Variants in ZBTB8A observed in about 807,000 individuals in gnomAD.
ZBTB8A encodes zinc finger and BTB domain-containing protein 8A.
A neutral mutation model predicts 37.8 loss-of-function variants in ZBTB8A; 19 were observed. The observed-to-expected ratio is 0.50, with a 90% CI of 0.35 to 0.74. The LOEUF (loss-of-function observed/expected upper bound fraction) is 0.74. Ranked by LOEUF, ZBTB8A falls within the 30% of genes least tolerant of loss-of-function variation. ZBTB8A has a pLI of 0.01. For synonymous variants in ZBTB8A, 181 were observed against 185.2 expected, an observed-to-expected ratio of 0.98 and a Z score of 0.19; for missense variants, 394 against 537.8, an observed-to-expected ratio of 0.73 and a Z score of 2.65.
At chr1:32,559,035 G>A (rs1407497113) in intron 2 of ZBTB8A, among the ~76,000 whole-genome samples, 1 of 152,128 alleles carries the variant, frequency 6.6e-6, no homozygotes, top group African/African-American at 2.4e-5. Flanking sequence ...CACTTTGATG[G>A]CATAGCCCAT....
At chr1:32,550,849 T>C (rs983666709) in intron 1 of ZBTB8A, among the ~76,000 whole-genome samples, 8 of 143,482 alleles carry the variant, frequency 5.6e-5, no homozygotes, top group African/African-American at 2.1e-4. Context: ...CCCAGCTACT[T>C]GGGAGGCTGA....
intron 2 of ZBTB8A, among the ~76,000 whole-genome samples, chr1:32,589,965 T>TTC (rs1441389125): frequency 2.6e-5 from 4 of 152,132 alleles, no homozygotes; most frequent in African/African-American, 9.7e-5. Context: ...CATAGTTTAT[T>TTC]TCTGCCTGGC....
At chr1:32,599,479 G>A (rs929014974) in intron 4 of ZBTB8A, among the ~76,000 whole-genome samples, 2 of 152,084 alleles carry the variant, frequency 1.3e-5, no homozygotes, top group Non-Finnish European at 2.9e-5. Context: ...AGCACTTTGG[G>A]CGGCCGAGGC....
At chr1:32,580,640 T>C (rs535699927) in intron 2 of ZBTB8A, among the ~76,000 whole-genome samples, 15 of 152,020 alleles carry the variant, frequency 9.9e-5, no homozygotes, top group Non-Finnish European at 1.5e-4. Flanking sequence ...CAAATTGATA[T>C]AGTGTTTTCG....
At chr1:32,599,931 C>T (rs960438206) in intron 4 of ZBTB8A, among the ~76,000 whole-genome samples, 156 bp from the exon 5 acceptor site, 1 of 152,136 alleles carries the variant, frequency 6.6e-6, no homozygotes, top group Non-Finnish European at 1.5e-5. Context: ...GACATCAATT[C>T]ACCACTAAAA....
In ZBTB8A at chr1:32,587,068, G is replaced by A. The variant is rs540082438; in HGVS notation, c.-1-5863G>A. Among the ~76,000 whole-genome samples the A allele has an allele frequency of 2.6e-5, 4 of 152,086 alleles. 1 individual carries two copies. Among genetic ancestry groups the A allele is most frequent in the African/African-American group, 7.2e-5 (3 of 41,478 alleles). On this transcript the variant is annotated intron_variant, in intron 2 of 4. Coordinates refer to ENST00000373510, the MANE Select transcript of ZBTB8A (RefSeq NM_001040441.3). ...CAGCCTGGCCAACATGGCAAAATCC[G>A]TCTCTACTAAAAATACAAAAATTAG...
At chr1:32,579,988 G>C (rs1042749224) in intron 2 of ZBTB8A, among the ~76,000 whole-genome samples, 65 of 152,078 alleles carry the variant, frequency 4.3e-4, no homozygotes, top group African/African-American at 1.4e-3. Context: ...CTAATTCATT[G>C]GCTAGTACTT....
At chr1:32,556,987 A>T (rs1644208116) in intron 2 of ZBTB8A, among the ~76,000 whole-genome samples, 1 of 152,070 alleles carries the variant, frequency 6.6e-6, no homozygotes, top group Admixed American at 6.6e-5. Context: ...TTTTTGAATC[A>T]TACGCATTCA....
chr1:32,557,705 C>T (rs1644213510), intron 2 of ZBTB8A, among the ~76,000 whole-genome samples: 1 of 152,108 alleles, frequency 6.6e-6, no homozygotes, highest in Admixed American at 6.6e-5. Flanking sequence ...GCTCAAACAT[C>T]TACCTGCTTC....
chr1:32,551,080 G>A (rs72652160), intron 1 of ZBTB8A, among the ~76,000 whole-genome samples: 17,276 of 152,084 alleles, frequency 0.11, 1,081 homozygotes, highest in African/African-American at 0.18. Context: ...GCCATTCTCT[G>A]AATGCCCTTC....
intron 4 of ZBTB8A, among the ~76,000 whole-genome samples, chr1:32,598,085 A>C (rs1644546737): frequency 6.6e-6 from 1 of 151,912 alleles, no homozygotes; most frequent in African/African-American, 2.4e-5. Context: ...CTCAGGAGAA[A>C]TCAGAATTCA....
At chr1:32,541,021 A>C (rs993134696) in intron 1 of ZBTB8A, among the ~76,000 whole-genome samples, 11 of 152,260 alleles carry the variant, frequency 7.2e-5, no homozygotes, top group Admixed American at 6.5e-4. Context: ...GGGGCCATCA[A>C]AAACTTTGTA....
intron 2 of ZBTB8A, among the ~76,000 whole-genome samples, chr1:32,584,062 A>T (rs962187182): frequency 6.6e-6 from 1 of 152,064 alleles, no homozygotes. Context: ...CTGACCAAGG[A>T]GGAGAGAATA....
intron 2 of ZBTB8A, among the ~76,000 whole-genome samples, chr1:32,580,492 A>G (rs1644395198): frequency 6.6e-6 from 1 of 151,980 alleles, no homozygotes; most frequent in Non-Finnish European, 1.5e-5. Context: ...CAGAGGTTGC[A>G]GTGAACCAAG....
chr1:32,553,354 C>A (rs1644172698), intron 1 of ZBTB8A, 105 bp from the exon 2 acceptor site: 1 of 152,200 alleles, frequency 6.6e-6, no homozygotes, highest in Non-Finnish European at 1.5e-5. Flanking sequence ...GCTACTGTGC[C>A]TGGCCCTTAT....
intron 4 of ZBTB8A, among the ~76,000 whole-genome samples, chr1:32,598,790 C>A (rs1425323758): frequency 6.6e-6 from 1 of 152,070 alleles, no homozygotes; most frequent in East Asian, 1.9e-4. Flanking sequence ...CTCACATTAA[C>A]CCTGTGAGTG....
chr1:32,572,631 G>A (rs909823317), intron 2 of ZBTB8A, among the ~76,000 whole-genome samples: 8 of 151,790 alleles, frequency 5.3e-5, no homozygotes, highest in Non-Finnish European at 8.8e-5. Context: ...TCCTGACCTC[G>A]GGTAATCCAC....
Position 32,547,352 on chromosome 1 carries a change from C to CT in ZBTB8A, c.-83-6092dup, listed in dbSNP as rs769532413. 7.2e-3 allele frequency among the ~76,000 whole-genome samples: 945 copies of CT among 131,780 alleles called. 5 individuals are homozygous for CT. Among genetic ancestry groups the CT allele is most frequent in the Admixed American group, 0.011 (137 of 12,932 alleles). The allele number at this position is 131,780 out of a possible 152,430, so 86.5% of individuals were successfully genotyped here. On this transcript the variant is annotated intron_variant, in intron 1 of 4. Transcript: ENST00000373510. ...AGTATAAACAAATTTTCTTTTCTTT[C>CT]TTTTTTTTTTTTTTTAGTAGAGATG... is the stretch of plus-strand genomic sequence containing the variant.
chr1:32,559,498 G>C (rs1644227557), intron 2 of ZBTB8A, among the ~76,000 whole-genome samples: 1 of 147,560 alleles, frequency 6.8e-6, no homozygotes, highest in Non-Finnish European at 1.5e-5. Context: ...GAGTCTTACT[G>C]TGTCACCCAG....
Sources: allele counts gnomAD v4.1 joint callset (sites outside exome capture counted in the v4.1 genomes callset), GRCh38; gene constraint gnomAD v4.1.1; transcripts MANE v1.5; gene names NCBI Gene and HGNC (gene_info 2026-07-23, HGNC 2026-07-21).